The following TPD52 variants were observed in gnomAD, a reference collection of about 807,000 sequenced individuals.
TPD52 encodes tumor protein D52.
In TPD52, 17 loss-of-function variants were observed where a neutral mutation model predicts 31.3. That is an observed-to-expected ratio of 0.54 (90% CI 0.37 to 0.82). TPD52 has a LOEUF of 0.82. TPD52 is among the 40% of genes least tolerant of loss of function. The probability of loss-of-function intolerance (pLI) is 0.00; values close to 1 mark genes in which losing one functional copy is unlikely to be tolerated. For missense variants in TPD52, 212 were observed against 240.1 expected (o/e 0.88, Z 0.77); for synonymous variants, 83 against 89.6 (o/e 0.93, Z 0.42).
intron 4 of TPD52, 102 bp from the exon 5 acceptor site, chr8:80,050,573 C>G (rs1275789693): frequency 9.0e-7 from 1 of 1,107,936 alleles, no homozygotes; most frequent in Non-Finnish European, 1.3e-6. Flanking sequence ...TCCCTGGGCT[C>G]TAAACTGCTA....
At chr8:80,101,676 A>G (rs28430629) in intron 1 of TPD52, among the ~76,000 whole-genome samples, 7,596 of 152,174 alleles carry the variant, frequency 0.05, 622 homozygotes, top group African/African-American at 0.17. Context: ...GGCGCATCAC[A>G]TGGTGAGAGA....
intron 1 of TPD52, among the ~76,000 whole-genome samples, chr8:80,148,622 C>T (rs926956187): frequency 3.3e-5 from 5 of 152,026 alleles, no homozygotes; most frequent in Non-Finnish European, 7.4e-5. Context: ...AAAAGTTTTG[C>T]TCTCTGTAAC....
intron 1 of TPD52, among the ~76,000 whole-genome samples, chr8:80,152,083 C>T (rs1168556893): frequency 1.3e-5 from 2 of 152,208 alleles, no homozygotes; most frequent in Non-Finnish European, 2.9e-5. Context: ...AGAAAGGCAA[C>T]ACCCAGGCTT....
At chr8:80,148,258 T>G (rs1298271885) in intron 1 of TPD52, among the ~76,000 whole-genome samples, 1 of 151,786 alleles carries the variant, frequency 6.6e-6, no homozygotes, top group Non-Finnish European at 1.5e-5. Flanking sequence ...GCTCAAGTGA[T>G]CCTCCTGCCT....
intron 1 of TPD52, among the ~76,000 whole-genome samples, chr8:80,116,987 A>G (rs545461058): frequency 4.6e-5 from 7 of 152,272 alleles, no homozygotes; most frequent in African/African-American, 1.7e-4. Context: ...ACAAACTAGG[A>G]ATGTAAAGGA....
At chr8:80,074,137 A>C (rs973623166) in intron 1 of TPD52, among the ~76,000 whole-genome samples, 1 of 152,228 alleles carries the variant, frequency 6.6e-6, no homozygotes, top group Non-Finnish European at 1.5e-5. Context: ...CCTTTCCTAC[A>C]CAAGTCTTCA....
At chr8:80,047,805 A>T (rs1242742762) in intron 5 of TPD52, among the ~76,000 whole-genome samples, 1 of 152,248 alleles carries the variant, frequency 6.6e-6, no homozygotes, top group Non-Finnish European at 1.5e-5. Flanking sequence ...AACCAAATAA[A>T]TATCTACAGG....
chr8:80,123,891 G>C (rs924885842), intron 1 of TPD52, among the ~76,000 whole-genome samples: 2 of 152,184 alleles, frequency 1.3e-5, no homozygotes, highest in African/African-American at 4.8e-5. Flanking sequence ...TCAAGAAAAG[G>C]AATGGACAAC....
intron 1 of TPD52, among the ~76,000 whole-genome samples, chr8:80,092,602 T>G (rs570320073): frequency 1.3e-5 from 2 of 152,186 alleles, no homozygotes; most frequent in South Asian, 4.2e-4. Context: ...AAAAAATGAA[T>G]CTTGTCATTT....
chr8:80,064,363 A>G, intron 2 of TPD52, 115 bp downstream of exon 2: 1 of 839,268 alleles, frequency 1.2e-6, no homozygotes, highest in Non-Finnish European at 2.0e-6. Flanking sequence ...AAGTAAACAC[A>G]TATGCTTTCT....
At chr8:80,046,576 T>C (rs1226880859) in intron 5 of TPD52, among the ~76,000 whole-genome samples, 1 of 152,174 alleles carries the variant, frequency 6.6e-6, no homozygotes. Flanking sequence ...AAGTAAAAAG[T>C]CATGTTGCTA....
intron 5 of TPD52, among the ~76,000 whole-genome samples, chr8:80,044,914 C>T (rs1307809424): frequency 3.9e-5 from 6 of 152,232 alleles, no homozygotes; most frequent in East Asian, 1.9e-4. Flanking sequence ...ATATTTTGTG[C>T]GCTTATGATT....
intron 1 of TPD52, among the ~76,000 whole-genome samples, chr8:80,079,736 G>A (rs1310596414): frequency 6.6e-6 from 1 of 152,008 alleles, no homozygotes; most frequent in Non-Finnish European, 1.5e-5. Context: ...CCTCCCTGAT[G>A]GTGCTCCTGG....
chr8:80,134,952 G>C, intron 1 of TPD52, among the ~76,000 whole-genome samples: 1 of 152,206 alleles, frequency 6.6e-6, no homozygotes, highest in East Asian at 1.9e-4. Context: ...TCCAAACCCT[G>C]AGATATATGA....
chr8:80,131,875 T>C (rs1809042168), intron 1 of TPD52, among the ~76,000 whole-genome samples: 2 of 152,138 alleles, frequency 1.3e-5, no homozygotes, highest in Non-Finnish European at 2.9e-5. Context: ...CAATTCAGCA[T>C]CCTAGTTAAG....
chr8:80,154,656 A>G (rs1230159110), intron 1 of TPD52, among the ~76,000 whole-genome samples: 4 of 151,884 alleles, frequency 2.6e-5, no homozygotes, highest in African/African-American at 9.7e-5. Flanking sequence ...TGATTTTTAA[A>G]TTCTCAATTA....
intron 1 of TPD52, among the ~76,000 whole-genome samples, chr8:80,164,155 T>C (rs1184355795): frequency 6.6e-6 from 1 of 151,990 alleles, no homozygotes; most frequent in Non-Finnish European, 1.5e-5. Context: ...TTGATTCTAA[T>C]GTTCGTTTGG....
intron 1 of TPD52, among the ~76,000 whole-genome samples, chr8:80,144,003 A>C (rs1367534897): frequency 6.6e-6 from 1 of 152,174 alleles, no homozygotes; most frequent in East Asian, 1.9e-4. Context: ...AATACTCTAA[A>C]ATTTAAATTT....
downstream of TPD52, among the ~76,000 whole-genome samples, chr8:80,034,586 T>C (rs1348399566): frequency 6.6e-6 from 1 of 152,170 alleles, no homozygotes; most frequent in Non-Finnish European, 1.5e-5. Flanking sequence ...GGGGATCATG[T>C]AGAAGATAAC....
Sources: gnomAD v4.1 joint callset for allele counts (sites outside exome capture counted in the v4.1 genomes callset) on GRCh38, gnomAD v4.1.1 for gene constraint, MANE v1.5 for transcripts, NCBI Gene and HGNC (gene_info 2026-07-23, HGNC 2026-07-21) for gene names.